PXK: variants seen among roughly 807,000 people sequenced by gnomAD.
The protein encoded by PXK is PX domain containing serine/threonine kinase like.
A neutral mutation model predicts 84.7 loss-of-function variants in PXK; 35 were observed. The ratio of observed to expected loss-of-function variants is 0.41; its 90% CI spans 0.32 to 0.55. PXK has a LOEUF of 0.55. Ranked by LOEUF, PXK falls within the 20% of genes least tolerant of loss-of-function variation. PXK has a pLI of 0.21. For missense variants in PXK, 634 were observed against 699.7 expected (o/e 0.91, Z 1.06); for synonymous variants, 253 against 260.8 (o/e 0.97, Z 0.29).
At chr3:58,375,500 C>T (rs1576245951) in intron 3 of PXK, among the ~76,000 whole-genome samples, 2 of 152,164 alleles carry the variant, frequency 1.3e-5, no homozygotes, top group Middle Eastern at 3.2e-3. Flanking sequence ...CGGGCTAAGA[C>T]AGCAGGCTCT....
In PXK at chr3:58,399,469, C is replaced by T; in HGVS notation, c.1181+92C>T. ...AGCACCTGGTACTGTAGTAAAGATTCTTGCGGTCCCTGCAGAGTTGGCGTG... is the reference window on the plus strand; with the variant it reads ...AGCACCTGGTACTGTAGTAAAGATTTTTGCGGTCCCTGCAGAGTTGGCGTG... On this transcript the variant is annotated intron_variant, in intron 12 of 17. Coordinates refer to ENST00000356151, the MANE Select transcript of PXK (RefSeq NM_017771.5). This position sits in a 1 kb window ranked among gnomAD's most constrained non-coding sequence, Gnocchi z 4.3. 7.9e-7 allele frequency: 1 copy of T among 1,272,294 alleles called. No homozygotes were observed. Among genetic ancestry groups the T allele is most frequent in the Non-Finnish European group, 1.1e-6 (1 of 888,226 alleles). 78.8% of individuals were successfully genotyped at this position (1,272,294 alleles called of 1,614,324 possible). A position where few individuals can be genotyped will look rare whatever the true frequency, so the allele number is the denominator to read the frequency against.
chr3:58,382,760 G>C, intron 4 of PXK, 60 bp downstream of exon 4: 1 of 1,253,092 alleles, frequency 8.0e-7, no homozygotes, highest in Non-Finnish European at 1.1e-6. Context: ...TCCCTTGCTG[G>C]AGATAACGTA....
At position 58,425,364 on chromosome 3, in the gene PXK, C is replaced by G. The variant is rs1055820230; in HGVS notation, c.*404C>G. 1.1e-5 allele frequency: 1 copy of G among 91,604 alleles called. No homozygotes were observed. The highest frequency in any genetic ancestry group is 3.9e-5 in the African/African-American group (1 of 25,750). 5.7% of individuals were successfully genotyped at this position (91,604 alleles called of 1,614,324 possible). A position where few individuals can be genotyped will look rare whatever the true frequency, so the allele number is the denominator to read the frequency against. ...TCAGACAGCTCCTAGAAACATTCCT[C>G]TTACAGTTCATTTCTCTAAAGCATT... On this transcript the variant is annotated 3_prime_UTR_variant, in exon 18 of 18. Transcript: ENST00000356151.
At chr3:58,367,845 A>C (rs1317122632) in intron 2 of PXK, among the ~76,000 whole-genome samples, 2 of 151,950 alleles carry the variant, frequency 1.3e-5, no homozygotes, top group Non-Finnish European at 2.9e-5. Flanking sequence ...ACTATGCCCA[A>C]CTAATTTTTG....
At chr3:58,351,113 C>T (rs1449894182) in intron 1 of PXK, among the ~76,000 whole-genome samples, 1 of 152,026 alleles carries the variant, frequency 6.6e-6, no homozygotes, top group Non-Finnish European at 1.5e-5. Flanking sequence ...GCTCCCTTGT[C>T]AAAGGAAAAA....
At chr3:58,420,395 A>G in intron 17 of PXK, 1 of 1,059,954 alleles carries the variant, frequency 9.4e-7, no homozygotes, top group Admixed American at 2.1e-5. Flanking sequence ...TAATTTGAGT[A>G]TATCCTAGTT....
At position 58,363,153 on chromosome 3, in the gene PXK, T is replaced by A. The variant is rs2098216310; in HGVS notation, c.103-2721T>A. On this transcript the variant is annotated intron_variant, in intron 1 of 17. Transcript: ENST00000356151. ...TTATTCAGAGCTTTGATTTCTGTTA[T>A]CAGTGGTTTGTAGTTTTCGACATAC... 2.6e-5 allele frequency among the ~76,000 whole-genome samples: 4 copies of A among 152,382 alleles called. No individual in the cohort carries two copies. The South Asian group carries it at 8.3e-4, about 32-fold the overall frequency.
rs2097528104 is a variant in PXK at position 58,333,269 on chromosome 3, A to G, written c.102+179A>G. 2.6e-5 allele frequency: 7 copies of G among 264,404 alleles called. No homozygotes were observed. Among genetic ancestry groups the G allele is most frequent in the Non-Finnish European group, 3.9e-5 (6 of 153,788 alleles). 16.4% of individuals were successfully genotyped at this position (264,404 alleles called of 1,614,324 possible). On this transcript the variant is annotated intron_variant, in intron 1 of 17. Transcript: ENST00000356151. This position sits in a 1 kb window ranked among gnomAD's most constrained non-coding sequence, Gnocchi z 5.4. Reference sequence around the variant, plus strand: ...GTCTGGGTCAGGGCCCCTGGGGCCCAGGCGAACGCTGAGGCCCGGAGGGGC... The same window carrying G: ...GTCTGGGTCAGGGCCCCTGGGGCCCGGGCGAACGCTGAGGCCCGGAGGGGC...
chr3:58,402,951 A>G (rs1275731044), intron 12 of PXK, among the ~76,000 whole-genome samples: 1 of 144,760 alleles, frequency 6.9e-6, no homozygotes, highest in Non-Finnish European at 1.5e-5. Context: ...TGCTCTCCCC[A>G]CCTCTCCCCC....
intron 12 of PXK, among the ~76,000 whole-genome samples, chr3:58,402,388 T>C (rs2058722384): frequency 6.6e-6 from 1 of 151,430 alleles, no homozygotes; most frequent in African/African-American, 2.4e-5. Context: ...CGAATGCCAC[T>C]GTGCCCAGGT....
Position 58,409,108 on chromosome 3 carries a change from C to T in PXK, c.1308+107C>T, listed in dbSNP as rs9864824. The T allele has an allele frequency of 0.078, 66,035 of 852,036 alleles. 3,051 individuals are homozygous for T. The highest frequency in any genetic ancestry group is 0.14 in the Middle Eastern group (600 of 4,436). The allele number at this position is 852,036 out of a possible 1,614,324, so 52.8% of individuals were successfully genotyped here. On this transcript the variant is annotated intron_variant, in intron 14 of 17. Transcript: ENST00000356151. This position sits in a 1 kb window ranked among gnomAD's most constrained non-coding sequence, Gnocchi z 4.2. ...TCCCTCTGCAAATATTTTAAGCATA[C>T]TTACTCTCAGCCAGCCTTTAGGCTA...
chr3:58,410,023 C>T (rs1341572850), intron 15 of PXK, 67 bp from the exon 16 acceptor site: 2 of 1,010,178 alleles, frequency 2.0e-6, no homozygotes, highest in East Asian at 4.8e-5. Flanking sequence ...TATTCTAACT[C>T]CCAGCTTCAC....
In PXK at chr3:58,401,026, A is replaced by G. The variant is rs1200243047; in HGVS notation, c.1181+1649A>G. Among the ~76,000 whole-genome samples the G allele has an allele frequency of 6.6e-6, 1 of 152,238 alleles. No homozygotes were observed. Among genetic ancestry groups the G allele is most frequent in the Non-Finnish European group, 1.5e-5 (1 of 68,044 alleles). On this transcript the variant is annotated intron_variant, in intron 12 of 17. Transcript: ENST00000356151. This position sits in a 1 kb window ranked among gnomAD's most constrained non-coding sequence, Gnocchi z 4.4. ...TGTACTTAGGAAATAGCCTATATAC[A>G]GGTTGATTTACTTGAGTTTGCATTT...
chr3:58,354,952 C>G (rs1053029246), intron 1 of PXK, among the ~76,000 whole-genome samples: 48 of 152,104 alleles, frequency 3.2e-4, no homozygotes, highest in African/African-American at 1.2e-3. Flanking sequence ...AATCCCGTCT[C>G]TACTAAAATT....
chr3:58,404,951 GTCT>G (rs1019615145), intron 13 of PXK, among the ~76,000 whole-genome samples: 1 of 152,142 alleles, frequency 6.6e-6, no homozygotes, highest in Non-Finnish European at 1.5e-5. Context: ...TAAATTTAAT[GTCT>G]TCTTCACTGA....
At chr3:58,422,204 G>A in intron 17 of PXK, 1 of 985,426 alleles carries the variant, frequency 1.0e-6, no homozygotes, top group Non-Finnish European at 1.2e-6. Flanking sequence ...GGCAGACTGA[G>A]TGAGACCGAG....
intron 1 of PXK, among the ~76,000 whole-genome samples, chr3:58,353,260 G>C (rs1318332561): frequency 6.6e-6 from 1 of 152,184 alleles, no homozygotes; most frequent in Admixed American, 6.5e-5. Context: ...GCCTCCCAAA[G>C]TGCTGGGATT....
chr3:58,345,062 C>T (rs2097792098), intron 1 of PXK, among the ~76,000 whole-genome samples: 1 of 152,122 alleles, frequency 6.6e-6, no homozygotes, highest in African/African-American at 2.4e-5. Context: ...CACTGTACTG[C>T]CTATTAAGAT....
intron 7 of PXK, 30 bp downstream of exon 7, chr3:58,391,877 T>A: frequency 6.4e-7 from 1 of 1,554,682 alleles, no homozygotes; most frequent in Non-Finnish European, 8.9e-7. Context: ...TTATTCTCAG[T>A]GCTGATGATA....
Sources: allele counts gnomAD v4.1 joint callset (sites outside exome capture counted in the v4.1 genomes callset), GRCh38; gene constraint gnomAD v4.1.1; non-coding constraint Gnocchi (gnomAD v3.1); transcripts MANE v1.5; gene names NCBI Gene and HGNC (gene_info 2026-07-23, HGNC 2026-07-21).